Variants in RAPGEF6 observed in about 807,000 individuals in gnomAD.
RAPGEF6 encodes Rap guanine nucleotide exchange factor 6.
Under a neutral mutation model 171.4 loss-of-function variants are expected in RAPGEF6, and 56 were observed. That is an observed-to-expected ratio of 0.33 (90% CI 0.26 to 0.41). The LOEUF is 0.41. Ranked by LOEUF, RAPGEF6 falls within the 10% of genes least tolerant of loss-of-function variation. The probability of loss-of-function intolerance (pLI) is 1.00; values close to 1 mark genes in which losing one functional copy is unlikely to be tolerated. For missense variants in RAPGEF6, 1,674 were observed against 1,921.4 expected (o/e 0.87, Z 2.41); for synonymous variants, 692 against 650.1 (o/e 1.06, Z -0.98).
intron 5 of RAPGEF6, among the ~76,000 whole-genome samples, chr5:131,549,779 T>C (rs1257883880): frequency 6.6e-6 from 1 of 152,092 alleles, no homozygotes; most frequent in Non-Finnish European, 1.5e-5. Flanking sequence ...CAGGTAAACT[T>C]GTGTCATGGG....
intron 11 of RAPGEF6, among the ~76,000 whole-genome samples, chr5:131,504,138 A>G (rs1362711903): frequency 2.0e-5 from 3 of 152,136 alleles, no homozygotes; most frequent in Non-Finnish European, 2.9e-5. Flanking sequence ...TTAAATGGCA[A>G]TAAGTCATCC....
In RAPGEF6 at chr5:131,521,430, G is replaced by A; in HGVS notation, c.587C>T (p.Ala196Val). 1.2e-6 allele frequency: 2 copies of A among 1,611,504 alleles called. No individual in the cohort carries two copies. The highest frequency in any genetic ancestry group is 1.7e-6 in the Non-Finnish European group (2 of 1,178,560). Residue 196 changes from alanine to valine, a missense_variant, in exon 7 of 28, where the codon GCC becomes GTC. By Grantham distance (64) the Ala-to-Val change is moderately conservative (BLOSUM62 0). This residue lies in a region of RAPGEF6 where 1,116 missense variants were observed against 1,321.5 expected (regional missense o/e 0.84). Transcript: ENST00000509018. ...VSSSQSGCSI[A>V]SDSGSSSLSD... ...TAAACTGCTGCTTCCAGAGTCACTG[G>A]CAATGCTACAACCAGACTGACTAGA...
At chr5:131,536,794 C>T (rs992700007) in intron 6 of RAPGEF6, among the ~76,000 whole-genome samples, 1 of 152,148 alleles carries the variant, frequency 6.6e-6, no homozygotes, top group African/African-American at 2.4e-5. Flanking sequence ...TATAGTTACT[C>T]AAGTATATGC....
chr5:131,551,725 C>T (rs1760939308), intron 5 of RAPGEF6, among the ~76,000 whole-genome samples: 1 of 151,928 alleles, frequency 6.6e-6, no homozygotes, highest in African/African-American at 2.4e-5. Flanking sequence ...AAAGGCTTTA[C>T]AGAGTAAAAA....
Position 131,425,994 on chromosome 5 carries a change from T to A in RAPGEF6, c.*1272A>T, listed in dbSNP as rs1751380453. ...AAACTTAATATATATAAAATATATT[T>A]AATTTGCAAAAATGTGAAAAATCTG... On this transcript the variant is annotated 3_prime_UTR_variant, in exon 28 of 28. Coordinates refer to ENST00000509018, the MANE Select transcript of RAPGEF6 (RefSeq NM_016340.6). 3.3e-5 allele frequency: 5 copies of A among 150,824 alleles called. No homozygotes were observed. Among genetic ancestry groups the A allele is most frequent in the Admixed American group, 3.3e-4 (5 of 15,106 alleles). The allele number at this position is 150,824 out of a possible 1,614,324, so 9.3% of individuals were successfully genotyped here.
chr5:131,569,213 T>C (rs965686191), intron 4 of RAPGEF6, among the ~76,000 whole-genome samples: 1 of 152,188 alleles, frequency 6.6e-6, no homozygotes, highest in Non-Finnish European at 1.5e-5. Flanking sequence ...ACGGTATAAA[T>C]TGACAAGCAA....
intron 8 of RAPGEF6, among the ~76,000 whole-genome samples, chr5:131,509,459 C>T (rs58915211): frequency 0.037 from 5,616 of 151,934 alleles, 336 homozygotes; most frequent in African/African-American, 0.13. Context: ...AGGAGAATGG[C>T]GTGAACCCGG....
Position 131,562,043 on chromosome 5 carries a change from C to A in RAPGEF6, c.286G>T (p.Gly96Cys), listed in dbSNP as rs1210849691. 1 of 1,573,516 alleles carries A rather than the reference C, an allele frequency of 6.4e-7. No individual in the cohort carries two copies. The highest frequency in any genetic ancestry group is 8.6e-7 in the Non-Finnish European group (1 of 1,159,872). ...CCTCTTTTTCCTCCAAACTGCTTAC[C>A]AAAACTATAAAAACAGAAAAACAAT... ...GSMVLPPCSF[G>C]KQFGGKRGCD... The change falls in exon 5 of 28, where the codon GGT becomes TGT. Residue 96 changes from glycine to cysteine, a missense_variant. By Grantham distance (159) the Gly-to-Cys change is radical. Around this residue, in one of 3 missense-constraint regions of RAPGEF6, gnomAD observed 1,116 missense variants for 1,321.5 expected, o/e 0.84. Transcript: ENST00000509018.
At chr5:131,504,849 G>A in intron 10 of RAPGEF6, 71 bp from the exon 11 acceptor site, 1 of 1,343,956 alleles carries the variant, frequency 7.4e-7, no homozygotes, top group East Asian at 2.5e-5. Context: ...TACCAATGCA[G>A]AGCACAAAGG....
intron 5 of RAPGEF6, among the ~76,000 whole-genome samples, chr5:131,560,043 T>C (rs1039221676): frequency 6.6e-6 from 1 of 152,232 alleles, no homozygotes; most frequent in East Asian, 1.9e-4. Flanking sequence ...ATTTCACCTA[T>C]TTTGGATTGT....
intron 18 of RAPGEF6, among the ~76,000 whole-genome samples, chr5:131,463,364 A>G (rs1336976292): frequency 2.0e-5 from 3 of 152,112 alleles, no homozygotes; most frequent in Non-Finnish European, 4.4e-5. Flanking sequence ...AGATCACTTG[A>G]GGTAAGGAGT....
intron 6 of RAPGEF6, among the ~76,000 whole-genome samples, chr5:131,535,267 T>G (rs533565299): frequency 6.6e-6 from 1 of 152,144 alleles, no homozygotes; most frequent in Non-Finnish European, 1.5e-5. Flanking sequence ...CCAAATTCCA[T>G]ACTCAACACG....
rs570853053 is a variant in RAPGEF6, at chr5:131,425,346, T to A, written c.*1920A>T. 1.3e-5 allele frequency: 2 copies of A among 152,348 alleles called. No homozygotes were observed. The highest frequency in any genetic ancestry group is 2.9e-5 in the Non-Finnish European group (2 of 68,034). 9.4% of individuals were successfully genotyped at this position (152,348 alleles called of 1,614,324 possible). On this transcript the variant is annotated 3_prime_UTR_variant, in exon 28 of 28. Transcript: ENST00000509018. ...CTGAATTTGATAAAAAAAGTGGGTA[T>A]AGCAAAAATATATTTCACATTGTTT... is the stretch of plus-strand genomic sequence containing the variant.
rs1751414987 is a variant in RAPGEF6 at position 131,426,752 on chromosome 5, T to A, written c.*514A>T. ...CTGTTTGGTCAGACCAGAGACAATT[T>A]TATGACCTCAAACATGAATATCAGC... On this transcript the variant is annotated 3_prime_UTR_variant, in exon 28 of 28. Coordinates refer to ENST00000509018, the MANE Select transcript of RAPGEF6 (RefSeq NM_016340.6). The A allele has an allele frequency of 5.8e-6, 1 of 171,770 alleles. No individual in the cohort carries two copies. Among genetic ancestry groups the A allele is most frequent in the Non-Finnish European group, 1.2e-5 (1 of 81,634 alleles). The allele number at this position is 171,770 out of a possible 1,614,324, so 10.6% of individuals were successfully genotyped here. A position where few individuals can be genotyped will look rare whatever the true frequency, so the allele number is the denominator to read the frequency against.
At chr5:131,583,093 A>G (rs1415342884) in intron 4 of RAPGEF6, among the ~76,000 whole-genome samples, 1 of 152,250 alleles carries the variant, frequency 6.6e-6, no homozygotes, top group Non-Finnish European at 1.5e-5. Flanking sequence ...TCAACAACTC[A>G]AATGTCCATC....
chr5:131,561,837 T>C, intron 5 of RAPGEF6, 141 bp downstream of exon 5: 1 of 620,786 alleles, frequency 1.6e-6, no homozygotes, highest in Middle Eastern at 3.5e-4. Flanking sequence ...TAGATAAACC[T>C]GGTAGATAGT....
chr5:131,617,554 G>T (rs1288328370), intron 1 of RAPGEF6, among the ~76,000 whole-genome samples: 1 of 152,158 alleles, frequency 6.6e-6, no homozygotes, highest in African/African-American at 2.4e-5. Context: ...CCGGGTTCAA[G>T]CGATTCTCCT....
At position 131,489,566 on chromosome 5, in the gene RAPGEF6, G is replaced by A. The variant is rs754916435; in HGVS notation, c.1820C>T (p.Thr607Ile). 16 of 1,586,670 alleles carry A rather than the reference G, an allele frequency of 1.0e-5. 1 individual carries two copies. The South Asian group carries it at 1.6e-4, about 16-fold the overall frequency. The change falls in exon 15 of 28, where the codon ACT (threonine) becomes ATT (isoleucine). Residue 607 changes from threonine to isoleucine, a missense_variant. Physicochemically the swap from Thr to Ile is moderately conservative, Grantham distance 89. Coordinates refer to ENST00000509018, the MANE Select transcript of RAPGEF6 (RefSeq NM_016340.6). The part of the protein sequence containing the change: ...ILRNNTHLAL[T>I]VKTNIFVFKE... ...CTCACCAAAAATGTTGGTCTTCACA[G>A]TAAGTGCAAGATGAGTATTATTCCT...
At chr5:131,490,855 C>A (rs368279088) in intron 14 of RAPGEF6, among the ~76,000 whole-genome samples, 1 of 152,148 alleles carries the variant, frequency 6.6e-6, no homozygotes, top group African/African-American at 2.4e-5. Context: ...ATCAGTTAAG[C>A]AGGTGTAAAT....
Sources: gnomAD v4.1 joint callset for allele counts (sites outside exome capture counted in the v4.1 genomes callset) on GRCh38, gnomAD v4.1.1 for gene constraint, gnomAD v4.1.1 regional missense constraint, MANE v1.5 for transcripts, NCBI Gene and HGNC (gene_info 2026-07-23, HGNC 2026-07-21) for gene names.